HECW1: variants seen among roughly 807,000 people sequenced by gnomAD.
The protein encoded by HECW1 is E3 ubiquitin-protein ligase HECW1.
Under a neutral mutation model 182.3 loss-of-function variants are expected in HECW1, and 61 were observed. That is an observed-to-expected ratio of 0.33 (90% CI 0.27 to 0.41). The LOEUF (loss-of-function observed/expected upper bound fraction) is 0.41. Among genes scored for constraint, HECW1 ranks in the 10% least tolerant of loss-of-function variants. The probability of loss-of-function intolerance (pLI) is 1.00; values close to 1 mark genes in which losing one functional copy is unlikely to be tolerated. For synonymous variants in HECW1, 859 were observed against 832.6 expected (o/e 1.03, Z -0.55); for missense variants, 1,739 against 2,108.9 (o/e 0.82, Z 3.44).
chr7:43,312,246 C>T (rs1808625728), intron 4 of HECW1, among the ~76,000 whole-genome samples, 159 bp downstream of exon 4: 1 of 152,154 alleles, frequency 6.6e-6, no homozygotes, highest in African/African-American at 2.4e-5. Flanking sequence ...TGTTTTTCTG[C>T]AAAATGGACA....
At chr7:43,407,939 C>T (rs1044942013) in intron 8 of HECW1, among the ~76,000 whole-genome samples, 9 of 152,172 alleles carry the variant, frequency 5.9e-5, no homozygotes, top group African/African-American at 1.2e-4. Context: ...ACACACTTTT[C>T]ATTGCACTGC....
chr7:43,365,187 G>A (rs770963679), intron 6 of HECW1, among the ~76,000 whole-genome samples: 11 of 152,238 alleles, frequency 7.2e-5, no homozygotes, highest in East Asian at 1.9e-4. Flanking sequence ...CTGCAGTGCC[G>A]GAGACTCTGA....
intron 7 of HECW1, among the ~76,000 whole-genome samples, chr7:43,401,944 C>T (rs1055528585): frequency 4.6e-5 from 7 of 151,598 alleles, no homozygotes; most frequent in South Asian, 4.2e-4. Context: ...AAGAGTGGCA[C>T]GGCAGAGAAG....
chr7:43,553,893 C>G (rs1208240344), intron 28 of HECW1, among the ~76,000 whole-genome samples: 1 of 152,202 alleles, frequency 6.6e-6, no homozygotes, highest in East Asian at 1.9e-4. Flanking sequence ...AGCTTCACTT[C>G]CTTTCTGAAG....
intron 16 of HECW1, among the ~76,000 whole-genome samples, chr7:43,474,427 C>T (rs747663830): frequency 9.9e-5 from 15 of 151,726 alleles, no homozygotes; most frequent in Admixed American, 3.3e-4. Flanking sequence ...CCAGCCTGAG[C>T]GACAGAGCGA....
intron 24 of HECW1, among the ~76,000 whole-genome samples, chr7:43,524,298 A>G (rs531416531): frequency 2.0e-5 from 3 of 152,346 alleles, no homozygotes; most frequent in East Asian, 1.9e-4. Flanking sequence ...CCCCAGGCAG[A>G]CACAACAGGT....
At chr7:43,281,348 CA>C (rs1390597816) in intron 3 of HECW1, among the ~76,000 whole-genome samples, 1 of 152,210 alleles carries the variant, frequency 6.6e-6, no homozygotes, top group Non-Finnish European at 1.5e-5. Context: ...TGGTGTCCAA[CA>C]ATAGCTGACA....
intron 8 of HECW1, among the ~76,000 whole-genome samples, chr7:43,423,598 C>T (rs2076264249): frequency 1.3e-5 from 2 of 152,110 alleles, no homozygotes; most frequent in Admixed American, 1.3e-4. Context: ...CCTTGAAAAC[C>T]ATTGCCAATG....
chr7:43,201,772 T>A (rs1795034932), intron 2 of HECW1, among the ~76,000 whole-genome samples: 1 of 152,224 alleles, frequency 6.6e-6, no homozygotes, highest in African/African-American at 2.4e-5. Context: ...GAGAAATACC[T>A]ATGCTGAATT....
At chr7:43,479,860 T>A in intron 17 of HECW1, 116 bp downstream of exon 17, 1 of 1,208,908 alleles carries the variant, frequency 8.3e-7, no homozygotes, top group Non-Finnish European at 1.2e-6. Flanking sequence ...TGGAAGAGAT[T>A]AAGCCATATG....
chr7:43,434,369 G>A (rs371363667), intron 8 of HECW1, among the ~76,000 whole-genome samples: 2 of 152,228 alleles, frequency 1.3e-5, no homozygotes, highest in Admixed American at 6.5e-5. Flanking sequence ...CTAACATGGC[G>A]TGGGCCTTCT....
chr7:43,360,216 T>TTG (rs1459366627), intron 5 of HECW1, among the ~76,000 whole-genome samples: 1 of 64,482 alleles, frequency 1.6e-5, no homozygotes, highest in East Asian at 4.2e-4. Flanking sequence ...TAGAACTTTC[T>TTG]TTTTTTTTTT....
chr7:43,331,217 T>C (rs1236979957), intron 5 of HECW1, among the ~76,000 whole-genome samples: 6 of 149,526 alleles, frequency 4.0e-5, no homozygotes, highest in African/African-American at 1.5e-4. Context: ...TTCCCACCTA[T>C]GAGTGAGAAC....
chr7:43,253,797 A>C (rs1167033205), intron 3 of HECW1, among the ~76,000 whole-genome samples: 1 of 152,170 alleles, frequency 6.6e-6, no homozygotes, highest in African/African-American at 2.4e-5. Context: ...AATCCCAGCT[A>C]CTGGGGAAGC....
rs1312940178 is a variant in HECW1 at position 43,508,632 on chromosome 7, T to C, written c.3867-337T>C. The C allele has an allele frequency of 3.2e-5, 10 of 311,920 alleles. No individual in the cohort carries two copies. In the East Asian group the frequency reaches 6.1e-4, roughly 19 times the overall value. The allele number at this position is 311,920 out of a possible 1,614,324, so 19.3% of individuals were successfully genotyped here. A position where few individuals can be genotyped will look rare whatever the true frequency, so the allele number is the denominator to read the frequency against. On this transcript the variant is annotated intron_variant, in intron 23 of 29. Coordinates refer to ENST00000395891, the MANE Select transcript of HECW1 (RefSeq NM_015052.5). ...TGCACACATTCACTGTTGCAGGAAA[T>C]TCTTTTATGTGTCCCACAACAAAGG...
At chr7:43,297,787 T>C (rs1806225380) in intron 3 of HECW1, among the ~76,000 whole-genome samples, 1 of 152,072 alleles carries the variant, frequency 6.6e-6, no homozygotes, top group South Asian at 2.1e-4. Flanking sequence ...AAAAACTAAA[T>C]TGGGTCAGGC....
intron 12 of HECW1, 66 bp from the exon 13 acceptor site, chr7:43,456,231 T>C: frequency 6.7e-7 from 1 of 1,496,112 alleles, no homozygotes; most frequent in African/African-American, 1.4e-5. Context: ...TTGGAAGTTG[T>C]ATGTGTTTCA....
chr7:43,347,183 A>C (rs1406157454), intron 5 of HECW1, among the ~76,000 whole-genome samples: 1 of 152,058 alleles, frequency 6.6e-6, no homozygotes. Context: ...AGTGTTTTGC[A>C]CTTTTCTTTG....
At chr7:43,288,363 C>T (rs1254946172) in intron 3 of HECW1, among the ~76,000 whole-genome samples, 3 of 152,200 alleles carry the variant, frequency 2.0e-5, no homozygotes, top group Non-Finnish European at 2.9e-5. Flanking sequence ...AATCCCCAGG[C>T]AATACTGGTA....
Sources: gnomAD v4.1 joint callset for allele counts (sites outside exome capture counted in the v4.1 genomes callset) on GRCh38, gnomAD v4.1.1 for gene constraint, MANE v1.5 for transcripts, NCBI Gene and HGNC (gene_info 2026-07-23, HGNC 2026-07-21) for gene names.